ARRDC2: variants seen among roughly 807,000 people sequenced by gnomAD.
The protein encoded by ARRDC2 is arrestin domain-containing protein 2.
A neutral mutation model predicts 38.9 loss-of-function variants in ARRDC2; 39 were observed. The ratio of observed to expected loss-of-function variants is 1.00; its 90% CI spans 0.78 to 1.31. ARRDC2 has a LOEUF of 1.31. Among genes scored for constraint, ARRDC2 ranks in the 50% most tolerant of loss-of-function variants. ARRDC2 has a pLI of 0.00. For synonymous variants in ARRDC2, 300 were observed against 261.9 expected (o/e 1.15, Z -1.41); for missense variants, 553 against 588.4 (o/e 0.94, Z 0.62).
In ARRDC2 at chr19:18,013,919, G is replaced by A. The variant is rs764875714; in HGVS notation, c.*953G>A. On this transcript the variant is annotated 3_prime_UTR_variant, in exon 8 of 8. Transcript: ENST00000222250. ...GACACACGGGGACTACTGTGCTTCC[G>A]GAGGCTCCCTGTGTCCTGGAGGAGA... 4.6e-5 allele frequency: 7 copies of A among 152,132 alleles called. No individual in the cohort carries two copies. The highest frequency in any genetic ancestry group is 1.4e-4 in the African/African-American group (6 of 41,396). The allele number at this position is 152,132 out of a possible 1,614,324, so 9.4% of individuals were successfully genotyped here.
At position 18,008,490 on chromosome 19, in the gene ARRDC2, C is replaced by G; in HGVS notation, c.180C>G (p.Thr60=). ...GGGGCCGCGCCCACGTGCACTGGAC[C>G]GAGTCGCGCAGCGCGGGCTCGAGCA... ...RARGRAHVHW[T]ESRSAGSSTA... Residue 60 remains threonine, a synonymous_variant, in exon 1 of 8, where the codon ACC becomes ACG. Coordinates refer to ENST00000222250, the MANE Select transcript of ARRDC2 (RefSeq NM_015683.2). 6.5e-7 allele frequency: 1 copy of G among 1,529,038 alleles called. No homozygotes were observed. Among genetic ancestry groups the G allele is most frequent in the Non-Finnish European group, 8.7e-7 (1 of 1,144,806 alleles). 94.7% of individuals were successfully genotyped at this position (1,529,038 alleles called of 1,614,324 possible). A position where few individuals can be genotyped will look rare whatever the true frequency, so the allele number is the denominator to read the frequency against.
chr19:18,013,225 C>G lies in ARRDC2; in HGVS notation c.*259C>G. 2.2e-6 allele frequency: 1 copy of G among 462,078 alleles called. No homozygotes were observed. The highest frequency in any genetic ancestry group is 3.9e-6 in the Non-Finnish European group (1 of 259,194). The allele number at this position is 462,078 out of a possible 1,614,324, so 28.6% of individuals were successfully genotyped here. On this transcript the variant is annotated 3_prime_UTR_variant, in exon 8 of 8. Coordinates refer to ENST00000222250, the MANE Select transcript of ARRDC2 (RefSeq NM_015683.2). ...TCCGAGAGACTGTTTAATAACCTGT[C>G]TTCCCAGCCAATTGGTGGTGCTGGA...
At position 18,009,656 on chromosome 19, in the gene ARRDC2, C is replaced by T. The variant is rs778349242; in HGVS notation, c.554C>T (p.Ser185Phe). 5 of 1,611,286 alleles carry T rather than the reference C, an allele frequency of 3.1e-6. No homozygotes were observed. In the South Asian group the frequency reaches 4.4e-5, roughly 14 times the overall value. Residue 185 changes from serine to phenylalanine, a missense_variant, in exon 4 of 8, where the codon TCC (serine) becomes TTC (phenylalanine). Around this residue, in one of 3 missense-constraint regions of ARRDC2, gnomAD observed 447 missense variants for 456.6 expected, o/e 0.98. Coordinates refer to ENST00000222250, the MANE Select transcript of ARRDC2 (RefSeq NM_015683.2). ...TGGTACTGTAACCGTGGCCTAGTCTCCCTTTCGGCCAAGATCGACCGCAAG... is the reference window on the plus strand; with the variant it reads ...TGGTACTGTAACCGTGGCCTAGTCTTCCTTTCGGCCAAGATCGACCGCAAG... ...RSWYCNRGLV[S>F]LSAKIDRKGY...
At chr19:18,008,079 T>C, upstream of ARRDC2, 1 of 1,181,758 alleles carries the variant, frequency 8.5e-7, no homozygotes, top group Non-Finnish European at 1.1e-6. Flanking sequence ...GTCGCGCTAT[T>C]GGTGGAGTCC....
intron 6 of ARRDC2, 23 bp downstream of exon 6, chr19:18,010,381 T>A: frequency 6.2e-7 from 1 of 1,600,602 alleles, no homozygotes; most frequent in Non-Finnish European, 8.5e-7. Context: ...CCTGCTTGCA[T>A]GCAGAGGGTG....
rs2033347072 is a variant in ARRDC2, at chr19:18,009,016, C to T, written c.387C>T (p.Tyr129=). The T allele has an allele frequency of 6.2e-7, 1 of 1,613,762 alleles. No individual in the cohort carries two copies. Among genetic ancestry groups the T allele is most frequent in the Non-Finnish European group, 8.5e-7 (1 of 1,179,996 alleles). ...SFEGKHGSVR[Y]CIKATLHRPW... is the part of the protein sequence containing the mutation. The stretch of plus-strand genomic sequence containing the variant: ...AGGGCAAACACGGTAGTGTCCGCTA[C>T]TGTATCAAGGCCACCCTGCACCGGC... Residue 129 remains tyrosine, a synonymous_variant, in exon 3 of 8, where the codon TAC becomes TAT. Transcript: ENST00000222250.
At chr19:18,005,846 C>CAGAGGCTGCAATCTCGGCACTTTG, upstream of ARRDC2, among the ~76,000 whole-genome samples, 1 of 150,538 alleles carries the variant, frequency 6.6e-6, no homozygotes, top group East Asian at 2.0e-4. Context: ...GGCAGCCGGG[C>CAGAGGCTGCAATCTCGGCACTTTG]GGAGGGGCTC....
In ARRDC2 at chr19:18,009,007, T is replaced by C; in HGVS notation, c.378T>C (p.Ser126=). Residue 126 remains serine (S), a synonymous_variant, in exon 3 of 8, where the codon AGT becomes AGC. Coordinates refer to ENST00000222250, the MANE Select transcript of ARRDC2 (RefSeq NM_015683.2). ...LVTSFEGKHG[S]VRYCIKATLH... Reference sequence around the variant, plus strand: ...CATCCTTCGAGGGCAAACACGGTAGTGTCCGCTACTGTATCAAGGCCACCC... The same window carrying C: ...CATCCTTCGAGGGCAAACACGGTAGCGTCCGCTACTGTATCAAGGCCACCC... 1 of 1,613,726 alleles carries C rather than the reference T, an allele frequency of 6.2e-7. No individual in the cohort carries two copies. The highest frequency in any genetic ancestry group is 8.5e-7 in the Non-Finnish European group (1 of 1,179,992).
At chr19:18,008,876 C>G in intron 2 of ARRDC2, 95 bp from the exon 3 acceptor site, 2 of 1,595,528 alleles carry the variant, frequency 1.3e-6, no homozygotes, top group Non-Finnish European at 8.6e-7. Context: ...CCCCAAGACT[C>G]TCCCCCTGGG....
upstream of ARRDC2, among the ~76,000 whole-genome samples, chr19:18,004,167 G>C (rs1478787372): frequency 6.9e-6 from 1 of 145,642 alleles, no homozygotes; most frequent in Non-Finnish European, 1.5e-5. Context: ...GATCACTTGA[G>C]GTCAGGAGTT....
chr19:18,006,861 G>A (rs571444262), upstream of ARRDC2, among the ~76,000 whole-genome samples: 62 of 152,162 alleles, frequency 4.1e-4, no homozygotes, highest in Admixed American at 3.7e-3. Context: ...CGGACTTAAC[G>A]GCCTACTGTC....
At chr19:18,002,556 G>A (rs1350138392) in intron 1 of ARRDC2, among the ~76,000 whole-genome samples, 1 of 152,210 alleles carries the variant, frequency 6.6e-6, no homozygotes, top group Non-Finnish European at 1.5e-5. Flanking sequence ...AAAATGGGCC[G>A]GGAGGGAGGC....
At chr19:18,008,130 C>G (rs76659246), upstream of ARRDC2, 6 of 1,087,970 alleles carry the variant, frequency 5.5e-6, no homozygotes, top group South Asian at 6.7e-5. Context: ...CACCCCCCCC[C>G]GCCCTGCCGT....
rs775436964 is a variant in ARRDC2 at position 18,010,183 on chromosome 19, T to G, written c.850-13T>G. On this transcript the variant is annotated splice_polypyrimidine_tract_variant and intron_variant, in intron 5 of 7. Coordinates refer to ENST00000222250, the MANE Select transcript of ARRDC2 (RefSeq NM_015683.2). ...GCTGCCTGGGCACCCTCCCTTATGG[T>G]TCCTTCCTCCAGGTCTGTGTGGATA... The G allele has an allele frequency of 2.4e-5, 38 of 1,611,298 alleles. No individual in the cohort carries two copies. The highest frequency in any genetic ancestry group is 3.1e-5 in the Non-Finnish European group (36 of 1,178,516).
rs753088210 is a variant in ARRDC2 at position 18,010,344 on chromosome 19, C to T, written c.998C>T (p.Pro333Leu). Residue 333 changes from proline to leucine, a missense_variant, in exon 6 of 8, where the codon CCG becomes CTG. Around this residue, in one of 3 missense-constraint regions of ARRDC2, gnomAD observed 100 missense variants for 107.6 expected, o/e 0.93. Coordinates refer to ENST00000222250, the MANE Select transcript of ARRDC2 (RefSeq NM_015683.2). ...CTGGACTGGAGGCTGGGGGCCTTGC[C>T]GGAGCGGCCTGAGGGTAAGCTCCCA... ...FLLDWRLGAL[P>L]ERPEAPPEYS... 10 of 1,610,218 alleles carry T rather than the reference C, an allele frequency of 6.2e-6. No individual in the cohort carries two copies. The highest frequency in any genetic ancestry group is 5.0e-5 in the Admixed American group (3 of 59,990).
intron 7 of ARRDC2, among the ~76,000 whole-genome samples, chr19:18,011,636 T>G (rs2146008923): frequency 6.6e-6 from 1 of 151,874 alleles, no homozygotes; most frequent in Non-Finnish European, 1.5e-5. Context: ...GAGGCCAAGA[T>G]GGGAGGACTG....
At chr19:18,005,143 C>T (rs2145997254), upstream of ARRDC2, among the ~76,000 whole-genome samples, 1 of 152,014 alleles carries the variant, frequency 6.6e-6, no homozygotes, top group Admixed American at 6.6e-5. Flanking sequence ...TTTTCCTAGG[C>T]AGAGTGTTTG....
chr19:18,002,692 T>C (rs1296707263), intron 1 of ARRDC2, among the ~76,000 whole-genome samples: 3 of 152,118 alleles, frequency 2.0e-5, no homozygotes, highest in Non-Finnish European at 2.9e-5. Flanking sequence ...GCAAGTGCGG[T>C]GGGGCAGGGC....
At chr19:18,001,470 G>A (rs1010563343) in exon 1 of ARRDC2, 4 of 1,279,028 alleles carry the variant, frequency 3.1e-6, no homozygotes, top group Middle Eastern at 2.8e-4. Context: ...GCGGCGGGGC[G>A]GCCACCCACT....
Sources: gnomAD v4.1 joint callset for allele counts (sites outside exome capture counted in the v4.1 genomes callset) on GRCh38, gnomAD v4.1.1 for gene constraint, gnomAD v4.1.1 regional missense constraint, MANE v1.5 for transcripts, NCBI Gene and HGNC (gene_info 2026-07-23, HGNC 2026-07-21) for gene names.